Variants in RSL24D1 observed in about 807,000 individuals in gnomAD.
RSL24D1 encodes ribosomal L24 domain containing 1.
A neutral mutation model predicts 26.2 loss-of-function variants in RSL24D1; 6 were observed. The observed-to-expected ratio is 0.23, with a 90% CI of 0.13 to 0.45. The LOEUF (loss-of-function observed/expected upper bound fraction) is 0.45, where lower values mean the gene tolerates loss of function less well. Ranked by LOEUF, RSL24D1 falls within the 20% of genes least tolerant of loss-of-function variation. The probability of loss-of-function intolerance (pLI) is 0.99; values close to 1 mark genes in which losing one functional copy is unlikely to be tolerated. For missense variants in RSL24D1, 176 were observed against 202.6 expected (o/e 0.87, Z 0.80); for synonymous variants, 61 against 59.1 (o/e 1.03, Z -0.15).
In RSL24D1 at chr15:55,190,993, C is replaced by G. The variant is rs747216897; in HGVS notation, c.250G>C (p.Glu84Gln). The G allele has an allele frequency of 1.9e-5, 31 of 1,604,420 alleles. No homozygotes were observed. The East Asian group carries it at 5.8e-4, about 30-fold the overall frequency. ...GACTTACTAGTTTTATTCCATAGCTCTCGCTGGTATTTGATAGGTTCATTT... is the reference window on the plus strand; with the variant it reads ...GACTTACTAGTTTTATTCCATAGCTGTCGCTGGTATTTGATAGGTTCATTT... ...RRNEPIKYQR[E>Q]LWNKTIDAMK... Residue 84 changes from glutamate to glutamine, a missense_variant, in exon 3 of 6, where the codon GAG (glutamate) becomes CAG (glutamine). Physicochemically the swap from Glu to Gln is conservative, Grantham distance 29. Around this residue, in one of 3 missense-constraint regions of RSL24D1, gnomAD observed 89 missense variants for 135.1 expected, o/e 0.66. Coordinates refer to ENST00000260443, the MANE Select transcript of RSL24D1 (RefSeq NM_016304.3).
At chr15:55,186,486 C>A (rs1485051749) in intron 3 of RSL24D1, among the ~76,000 whole-genome samples, 1 of 152,162 alleles carries the variant, frequency 6.6e-6, no homozygotes, top group African/African-American at 2.4e-5. Context: ...AGCATCAAAT[C>A]TCTGGTGCTC....
At chr15:55,196,428 A>G (rs1170931645) in intron 1 of RSL24D1, 2 of 483,880 alleles carry the variant, frequency 4.1e-6, no homozygotes, top group East Asian at 1.2e-4. Context: ...TTTAGTATGG[A>G]CCTTAGTGTA....
At chr15:55,188,100 C>T (rs1420991185) in intron 3 of RSL24D1, among the ~76,000 whole-genome samples, 1 of 152,162 alleles carries the variant, frequency 6.6e-6, no homozygotes, top group Non-Finnish European at 1.5e-5. Context: ...CATATCCTCA[C>T]ACAATTTGAT....
At chr15:55,190,345 T>A (rs1894282335) in intron 3 of RSL24D1, among the ~76,000 whole-genome samples, 1 of 151,742 alleles carries the variant, frequency 6.6e-6, no homozygotes. Flanking sequence ...ATTAACTTTT[T>A]CTACATATGA....
In RSL24D1 at chr15:55,181,340, G is replaced by C. The variant is rs749641668; in HGVS notation, c.*812C>G. 6 of 152,476 alleles carry C rather than the reference G, an allele frequency of 3.9e-5. No individual in the cohort carries two copies. The highest frequency in any genetic ancestry group is 8.8e-5 in the Non-Finnish European group (6 of 68,022). The allele number at this position is 152,476 out of a possible 1,614,324, so 9.4% of individuals were successfully genotyped here. A position where few individuals can be genotyped will look rare whatever the true frequency, so the allele number is the denominator to read the frequency against. On this transcript the variant is annotated 3_prime_UTR_variant, in exon 6 of 6. Coordinates refer to ENST00000260443, the MANE Select transcript of RSL24D1 (RefSeq NM_016304.3). ...TACTTTTTAAATGGTTTTATTTTAT[G>C]TACAAATAATGAACATACGTTGTAC...
intron 1 of RSL24D1, among the ~76,000 whole-genome samples, chr15:55,194,803 T>TACACACACAC (rs143219738): frequency 4.1e-5 from 6 of 147,010 alleles, no homozygotes; most frequent in African/African-American, 1.5e-4. Context: ...CCTCTGTCTC[T>TACACACACAC]ACACACACAC....
intron 3 of RSL24D1, among the ~76,000 whole-genome samples, chr15:55,190,306 G>C (rs188613005): frequency 7.3e-6 from 1 of 137,092 alleles, no homozygotes; most frequent in Admixed American, 7.3e-5. Flanking sequence ...ATACACAAAT[G>C]TGGTAGAATC....
chr15:55,189,126 G>C (rs1471032540), intron 3 of RSL24D1, among the ~76,000 whole-genome samples: 3 of 150,280 alleles, frequency 2.0e-5, no homozygotes, highest in African/African-American at 7.4e-5. Flanking sequence ...CCGGGAGGCG[G>C]AGATTGCAGT....
At position 55,196,813 on chromosome 15, in the gene RSL24D1, G is replaced by A. The variant is rs1442945241; in HGVS notation, c.78C>T (p.Cys26=). 1.9e-6 allele frequency: 3 copies of A among 1,614,142 alleles called. No homozygotes were observed. In the East Asian group the frequency reaches 6.7e-5, roughly 36 times the overall value. ...GHGMMFVRND[C]KVFRFCKSKC... ...GAACTGGTGTCGACCGCCTTACCTT[G>A]CAATCGTTGCGGACGAACATCATGC... is the stretch of plus-strand genomic sequence containing the variant. Residue 26 remains cysteine, a synonymous_variant, in exon 1 of 6, where the codon TGC becomes TGT. Coordinates refer to ENST00000260443, the MANE Select transcript of RSL24D1 (RefSeq NM_016304.3).
intron 3 of RSL24D1, among the ~76,000 whole-genome samples, chr15:55,189,685 A>G (rs753597022): frequency 2.0e-5 from 3 of 152,092 alleles, no homozygotes; most frequent in Admixed American, 6.5e-5. Context: ...TCTTCTTCCA[A>G]TGTGGCCCAG....
intron 3 of RSL24D1, among the ~76,000 whole-genome samples, chr15:55,188,918 G>A (rs1243713188): frequency 1.3e-5 from 2 of 152,208 alleles, no homozygotes; most frequent in African/African-American, 4.8e-5. Flanking sequence ...CTGGCCAAGT[G>A]CGGAGGCTCA....
chr15:55,182,217 T>C lies in RSL24D1; in HGVS notation c.427A>G (p.Lys143Glu). The C allele has an allele frequency of 1.9e-6, 3 of 1,599,634 alleles. No homozygotes were observed. Among genetic ancestry groups the C allele is most frequent in the Non-Finnish European group, 2.6e-6 (3 of 1,167,498 alleles). ...TGTACCATTTTCTCTTCCAACTGTTTCCCTTTGCCTTTAATAAAAATAAGT... is the reference window on the plus strand; with the variant it reads ...TGTACCATTTTCTCTTCCAACTGTTCCCCTTTGCCTTTAATAAAAATAAGT... ...LIRAPLAGKG[K>E]QLEEKMVQQL... Residue 143 changes from lysine (K) to glutamate (E), a missense_variant, in exon 6 of 6, where the codon AAA (lysine) becomes GAA (glutamate). Lys to Glu is a moderately conservative substitution (Grantham distance 56). Transcript: ENST00000260443.
intron 5 of RSL24D1, 64 bp downstream of exon 5, chr15:55,183,251 C>T (rs1431331060): frequency 1.8e-5 from 21 of 1,158,298 alleles, no homozygotes; most frequent in South Asian, 1.7e-4. Flanking sequence ...GAAAAAATAC[C>T]CAAAGTTAGT....
chr15:55,196,547 C>T, intron 1 of RSL24D1: 1 of 592,074 alleles, frequency 1.7e-6, no homozygotes, highest in South Asian at 1.9e-5. Flanking sequence ...CTGGTAGGCG[C>T]TAGCTGGGAT....
chr15:55,185,510 T>C, intron 3 of RSL24D1, 85 bp from the exon 4 acceptor site: 1 of 910,926 alleles, frequency 1.1e-6, no homozygotes, highest in Non-Finnish European at 1.7e-6. Flanking sequence ...TTCTTTATTA[T>C]TCTGATTTAG....
chr15:55,185,562 T>C, intron 3 of RSL24D1, 137 bp from the exon 4 acceptor site: 4 of 635,418 alleles, frequency 6.3e-6, no homozygotes, highest in South Asian at 4.6e-5. Context: ...AAACAATCCC[T>C]ACTCAAAAAG....
rs145555296 is a variant in RSL24D1 at position 55,191,022 on chromosome 15, C to A, written c.221G>T (p.Arg74Leu). The A allele has an allele frequency of 1.9e-6, 3 of 1,603,238 alleles. No homozygotes were observed. The highest frequency in any genetic ancestry group is 2.2e-5 in the South Asian group (2 of 89,134). ...TVDNSFEFEK[R>L]RNEPIKYQRE... ...CTGGTATTTGATAGGTTCATTTCTA[C>A]GTTTTTCAAATTCAAATGAATTATC... Residue 74 changes from arginine (R) to leucine (L), a missense_variant, in exon 3 of 6, where the codon CGT becomes CTT. Physicochemically the swap from Arg to Leu is moderately radical, Grantham distance 102. Around this residue, in one of 3 missense-constraint regions of RSL24D1, gnomAD observed 89 missense variants for 135.1 expected, o/e 0.66. Coordinates refer to ENST00000260443, the MANE Select transcript of RSL24D1 (RefSeq NM_016304.3).
intron 5 of RSL24D1, 80 bp from the exon 6 acceptor site, chr15:55,182,305 T>C: frequency 1.1e-6 from 1 of 892,890 alleles, no homozygotes; most frequent in Non-Finnish European, 1.8e-6. Context: ...TTATAAAGGA[T>C]CTTGCATGTT....
In RSL24D1 at chr15:55,196,878, T is replaced by C; in HGVS notation, c.13A>G (p.Lys5Glu). 1 of 1,614,078 alleles carries C rather than the reference T, an allele frequency of 6.2e-7. No individual in the cohort carries two copies. The highest frequency in any genetic ancestry group is 1.6e-4 in the Middle Eastern group (1 of 6,062). ...ATGGGCCCCGAACAGAAATAACACTTTTCGATACGCATGTTGAACCCGCGT... is the reference window on the plus strand; with the variant it reads ...ATGGGCCCCGAACAGAAATAACACTCTTCGATACGCATGTTGAACCCGCGT... MRIE[K>E]CYFCSGPIYP... The change falls in exon 1 of 6, where the codon AAG becomes GAG. Residue 5 changes from lysine (K) to glutamate (E), a missense_variant. Transcript: ENST00000260443.
Sources: allele counts gnomAD v4.1 joint callset (sites outside exome capture counted in the v4.1 genomes callset), GRCh38; gene constraint gnomAD v4.1.1; regional missense constraint gnomAD v4.1.1; transcripts MANE v1.5; gene names NCBI Gene and HGNC (gene_info 2026-07-23, HGNC 2026-07-21).